Variants in VPS37A observed in about 807,000 individuals in gnomAD.
VPS37A encodes the protein VPS37A subunit of ESCRT-I.
Under a neutral mutation model 49.8 loss-of-function variants are expected in VPS37A, and 30 were observed. The observed-to-expected ratio is 0.60, with a 90% confidence interval of 0.45 to 0.82. The LOEUF (loss-of-function observed/expected upper bound fraction) is 0.82, where lower values mean the gene tolerates loss of function less well. VPS37A is among the 40% of genes least tolerant of loss of function. The pLI, the probability that VPS37A is intolerant of heterozygous loss-of-function variation, is 0.00. For synonymous variants in VPS37A, 195 were observed against 160.6 expected (o/e 1.21, Z -1.62); for missense variants, 593 against 464.4 (o/e 1.28, Z -2.55).
the VPS37A span, among the ~76,000 whole-genome samples, chr8:17,325,133 ACAG>A: frequency 6.6e-6 from 1 of 152,154 alleles, no homozygotes; most frequent in Admixed American, 6.5e-5. Context: ...ACCGACAGCC[ACAG>A]CCTCTCCTCT....
At chr8:17,282,174 G>A (rs541397416) in intron 9 of VPS37A, among the ~76,000 whole-genome samples, 1 of 152,100 alleles carries the variant, frequency 6.6e-6, no homozygotes, top group South Asian at 2.1e-4. Context: ...AAACAGTATA[G>A]TAGTTTTATA....
At chr8:17,301,526 A>G (rs1404612246), downstream of VPS37A, 1 of 152,290 alleles carries the variant, frequency 6.6e-6, no homozygotes, top group East Asian at 1.9e-4. Context: ...AAAATCTCAA[A>G]TGCCAGCCTA....
the VPS37A span, among the ~76,000 whole-genome samples, chr8:17,321,471 C>T: frequency 1.3e-5 from 2 of 152,188 alleles, no homozygotes; most frequent in Non-Finnish European, 2.9e-5. Context: ...CAAAGTTAAC[C>T]ACTGAGAGGG....
At chr8:17,270,616 C>G (rs1813885692) in intron 4 of VPS37A, among the ~76,000 whole-genome samples, 1 of 152,018 alleles carries the variant, frequency 6.6e-6, no homozygotes. Context: ...TAGATCCACC[C>G]AGATTGAAAG....
rs769418698 is a variant in VPS37A, at chr8:17,274,724, T to C, written c.417-9T>C. The stretch of plus-strand genomic sequence containing the variant: ...ATCTAATGTAATGATCTTCTCTTTT[T>C]CTTTTCAGTCTATACAGTAACCCAA... On this transcript the variant is annotated splice_polypyrimidine_tract_variant and intron_variant, in intron 4 of 11. Coordinates refer to ENST00000324849, the MANE Select transcript of VPS37A (RefSeq NM_152415.3). The C allele has an allele frequency of 3.8e-5, 60 of 1,599,628 alleles. No homozygotes were observed. In the Middle Eastern group the frequency reaches 5.0e-4, roughly 13 times the overall value.
intron 6 of VPS37A, among the ~76,000 whole-genome samples, chr8:17,278,260 G>C (rs1814712051): frequency 6.6e-6 from 1 of 151,930 alleles, no homozygotes; most frequent in African/African-American, 2.4e-5. Context: ...ATTATATCAG[G>C]TTAAAGCACC....
intron 11 of VPS37A, among the ~76,000 whole-genome samples, chr8:17,289,058 T>C (rs1442431303): frequency 6.6e-6 from 1 of 152,146 alleles, no homozygotes; most frequent in Non-Finnish European, 1.5e-5. Context: ...TTTGATAGGG[T>C]TGTATTTTTC....
chr8:17,255,218 C>T (rs1354315809), intron 1 of VPS37A, among the ~76,000 whole-genome samples: 6 of 152,248 alleles, frequency 3.9e-5, no homozygotes, highest in Admixed American at 6.5e-5. Flanking sequence ...GCTCACTGAG[C>T]GCCTGTAATC....
At chr8:17,259,985 A>G (rs372372814) in intron 1 of VPS37A, among the ~76,000 whole-genome samples, 2 of 152,216 alleles carry the variant, frequency 1.3e-5, no homozygotes, top group East Asian at 1.9e-4. Context: ...GGTTTCTTGT[A>G]GGCAACATAT....
the VPS37A span, chr8:17,311,734 AAC>A: frequency 6.4e-7 from 1 of 1,554,156 alleles, no homozygotes; most frequent in African/African-American, 1.4e-5. Flanking sequence ...TACAGAAAGA[AAC>A]AGCCAAAACG....
intron 1 of VPS37A, among the ~76,000 whole-genome samples, chr8:17,265,583 C>G (rs1276451972): frequency 1.3e-5 from 2 of 152,114 alleles, no homozygotes; most frequent in Non-Finnish European, 2.9e-5. Flanking sequence ...CTGTATTAAC[C>G]GGAGAGCACA....
At chr8:17,325,338 C>T in the VPS37A span, among the ~76,000 whole-genome samples, 4 of 152,122 alleles carry the variant, frequency 2.6e-5, no homozygotes, top group East Asian at 1.9e-4. Context: ...CTTTCCACAC[C>T]GAATGAAGAT....
the VPS37A span, chr8:17,311,430 C>G: frequency 7.6e-6 from 12 of 1,568,808 alleles, no homozygotes; most frequent in East Asian, 2.3e-4. Flanking sequence ...AAGAAAACAG[C>G]AGTTGCCAGT....
the VPS37A span, chr8:17,331,260 G>A: frequency 6.2e-7 from 1 of 1,608,694 alleles, no homozygotes; most frequent in Non-Finnish European, 8.5e-7. Context: ...TTTCCCTGCA[G>A]CACGATTTGC....
Position 17,274,933 on chromosome 8 carries a change from T to G in VPS37A, c.617T>G (p.Ile206Ser). Residue 206 changes from isoleucine to serine, a missense_variant, in exon 5 of 12, where the codon ATT (isoleucine) becomes AGT (serine). Coordinates refer to ENST00000324849, the MANE Select transcript of VPS37A (RefSeq NM_152415.3). ...FGVLSNLPLPIPTVDASIPTS... is the reference protein window; with the variant it reads ...FGVLSNLPLPSPTVDASIPTS... ...GTCCTTTCAAATCTGCCATTACCCA[T>G]TCCCACAGTGGATGCTTCAATACCG... is the stretch of plus-strand genomic sequence containing the variant. 6.2e-7 allele frequency: 1 copy of G among 1,614,112 alleles called. No homozygotes were observed. The highest frequency in any genetic ancestry group is 1.3e-5 in the African/African-American group (1 of 75,068).
At chr8:17,262,451 C>G (rs1813041513) in intron 1 of VPS37A, among the ~76,000 whole-genome samples, 1 of 152,098 alleles carries the variant, frequency 6.6e-6, no homozygotes, top group Admixed American at 6.6e-5. Context: ...CCAACAAATT[C>G]AGAGCCACTG....
At chr8:17,259,174 A>T (rs1812754276) in intron 1 of VPS37A, among the ~76,000 whole-genome samples, 1 of 151,864 alleles carries the variant, frequency 6.6e-6, no homozygotes, top group African/African-American at 2.4e-5. Context: ...TGGGTTGTTT[A>T]TTTGAAGTCT....
At chr8:17,278,721 G>C (rs982301057) in intron 6 of VPS37A, among the ~76,000 whole-genome samples, 1 of 151,952 alleles carries the variant, frequency 6.6e-6, no homozygotes, top group African/African-American at 2.4e-5. Context: ...CAGTTCTGTT[G>C]TCTTTAGGAT....
At chr8:17,283,106 C>G (rs1381789843) in intron 9 of VPS37A, among the ~76,000 whole-genome samples, 1 of 152,096 alleles carries the variant, frequency 6.6e-6, no homozygotes, top group South Asian at 2.1e-4. Context: ...GAAAATGGTG[C>G]ATTACAGTTC....
Sources: allele counts gnomAD v4.1 joint callset (sites outside exome capture counted in the v4.1 genomes callset), GRCh38; gene constraint gnomAD v4.1.1; transcripts MANE v1.5; gene names NCBI Gene and HGNC (gene_info 2026-07-23, HGNC 2026-07-21).